ANKRD44: variants seen among roughly 807,000 people sequenced by gnomAD.
ANKRD44 encodes serine/threonine-protein phosphatase 6 regulatory ankyrin repeat subunit B.
ANKRD44 carries 35 observed loss-of-function variants against 116.0 expected under a neutral mutation model. The observed-to-expected ratio is 0.30, with a 90% confidence interval of 0.23 to 0.40. The LOEUF is 0.40. Ranked by LOEUF, ANKRD44 falls within the 10% of genes least tolerant of loss-of-function variation. The pLI is 1.00. For missense variants in ANKRD44, 1,014 were observed against 1,242.6 expected, an observed-to-expected ratio of 0.82 and a Z score of 2.77; for synonymous variants, 435 against 461.8, an observed-to-expected ratio of 0.94 and a Z score of 0.74.
intron 1 of ANKRD44, among the ~76,000 whole-genome samples, chr2:197,289,591 C>G (rs2083503310): frequency 6.6e-6 from 1 of 152,148 alleles, no homozygotes; most frequent in Admixed American, 6.5e-5. Flanking sequence ...TCTCAAAATC[C>G]TTATGCTGAG....
chr2:197,246,804 T>C (rs1185404196), intron 1 of ANKRD44, among the ~76,000 whole-genome samples: 1 of 152,166 alleles, frequency 6.6e-6, no homozygotes, highest in East Asian at 1.9e-4. Context: ...ATTATTGTTC[T>C]TTCCATTTTA....
intron 8 of ANKRD44, among the ~76,000 whole-genome samples, chr2:197,112,351 G>A (rs56938514): frequency 0.01 from 1,537 of 152,218 alleles, 30 homozygotes; most frequent in African/African-American, 0.034. Context: ...AATAATTTAG[G>A]TAAGTATTTC....
At chr2:197,253,128 A>C (rs915840117) in intron 1 of ANKRD44, among the ~76,000 whole-genome samples, 4 of 152,244 alleles carry the variant, frequency 2.6e-5, no homozygotes, top group Non-Finnish European at 4.4e-5. Context: ...AAAGTCAAAA[A>C]AACAGCTCCT....
intron 16 of ANKRD44, among the ~76,000 whole-genome samples, chr2:197,063,536 A>G (rs2077364116): frequency 6.6e-6 from 1 of 152,206 alleles, no homozygotes; most frequent in South Asian, 2.1e-4. Flanking sequence ...ACCCATCGCA[A>G]AGAAGCTAAA....
rs188170158 is a variant in ANKRD44 at position 197,166,934 on chromosome 2, T to C, written c.112-19829A>G. On this transcript the variant is annotated intron_variant, in intron 2 of 27. Transcript: ENST00000282272. ...AAGTCAATTCTTATGTGATATATAG[T>C]GTCCTGAGAGAAATTACTTTGTCCA... 7.2e-5 allele frequency among the ~76,000 whole-genome samples: 11 copies of C among 152,384 alleles called. No individual in the cohort carries two copies. In the East Asian group the frequency reaches 2.1e-3, roughly 29 times the overall value.
Position 196,987,935 on chromosome 2 carries a change from TA to T in ANKRD44, c.*1655del, listed in dbSNP as rs1349043074. On this transcript the variant is annotated 3_prime_UTR_variant, in exon 28 of 28. Coordinates refer to ENST00000282272, the MANE Select transcript of ANKRD44 (RefSeq NM_001195144.2). Reference sequence around the variant, plus strand: ...ATGATAGTTTTTAAAGTCATTTCTTTAAAAAAATTTTGCCTTGGGGTATGGG... The same window carrying T: ...ATGATAGTTTTTAAAGTCATTTCTTTAAAAAATTTTGCCTTGGGGTATGGG... 3.4e-5 allele frequency: 33 copies of T among 984,778 alleles called. No homozygotes were observed. Among genetic ancestry groups the T allele is most frequent in the Non-Finnish European group, 3.9e-5 (32 of 829,348 alleles). The allele number at this position is 984,778 out of a possible 1,614,324, so 61.0% of individuals were successfully genotyped here. A position where few individuals can be genotyped will look rare whatever the true frequency, so the allele number is the denominator to read the frequency against.
chr2:197,058,290 C>G (rs888310434), intron 16 of ANKRD44, among the ~76,000 whole-genome samples: 5 of 152,130 alleles, frequency 3.3e-5, no homozygotes, highest in African/African-American at 1.2e-4. Context: ...CACCGCAGGT[C>G]CCCAAAGTCA....
intron 16 of ANKRD44, among the ~76,000 whole-genome samples, chr2:197,027,967 C>T (rs905527667): frequency 2.0e-5 from 3 of 152,074 alleles, no homozygotes; most frequent in Non-Finnish European, 2.9e-5. Context: ...TGAGATTACA[C>T]AGGCATGAGC....
In ANKRD44 at chr2:196,968,456, C is replaced by T. The variant is rs531229943; in HGVS notation, c.2369-1010G>A. Among the ~76,000 whole-genome samples, 4 of 152,268 alleles carry T rather than the reference C, an allele frequency of 2.6e-5. No individual in the cohort carries two copies. In the South Asian group the frequency reaches 6.2e-4, roughly 24 times the overall value. On this transcript the variant is annotated intron_variant, in intron 21 of 21. Transcript: ENST00000424317. ...TAATACAGTGACTACCAGTATTGTT[C>T]CAGGATACTGACATGATTTGTGCCA...
At chr2:197,178,273 C>T (rs1256095167) in intron 2 of ANKRD44, among the ~76,000 whole-genome samples, 3 of 152,012 alleles carry the variant, frequency 2.0e-5, no homozygotes, top group Non-Finnish European at 4.4e-5. Flanking sequence ...AAGTTTGAGA[C>T]GAGCCTGGGC....
intron 18 of ANKRD44, among the ~76,000 whole-genome samples, chr2:197,010,431 G>C (rs913952246): frequency 6.6e-6 from 1 of 152,104 alleles, no homozygotes; most frequent in African/African-American, 2.4e-5. Context: ...CTCGCCCAGC[G>C]GACCGAGTGG....
chr2:197,235,096 CCT>C (rs1234059719), intron 1 of ANKRD44, among the ~76,000 whole-genome samples: 1 of 152,166 alleles, frequency 6.6e-6, no homozygotes, highest in East Asian at 1.9e-4. Context: ...TTCTCACTCC[CCT>C]CTCTCAGACA....
intron 1 of ANKRD44, among the ~76,000 whole-genome samples, chr2:197,214,963 T>C (rs1199603740): frequency 6.6e-6 from 1 of 152,152 alleles, no homozygotes; most frequent in Non-Finnish European, 1.5e-5. Context: ...CTACAACCTC[T>C]GCCTCCAGGG....
intron 1 of ANKRD44, among the ~76,000 whole-genome samples, chr2:197,241,810 T>C (rs1317917467): frequency 6.6e-6 from 1 of 152,134 alleles, no homozygotes; most frequent in Non-Finnish European, 1.5e-5. Context: ...ATTCACTACA[T>C]AGTGCTGGTG....
intron 1 of ANKRD44, among the ~76,000 whole-genome samples, chr2:197,215,903 T>A (rs888621370): frequency 2.6e-5 from 4 of 152,228 alleles, no homozygotes; most frequent in African/African-American, 9.7e-5. Context: ...TATGATGCTG[T>A]TTCCTCCTCC....
chr2:197,215,250 T>C (rs968746758), intron 1 of ANKRD44, among the ~76,000 whole-genome samples: 2 of 152,210 alleles, frequency 1.3e-5, no homozygotes, highest in African/African-American at 4.8e-5. Context: ...GTTGAGATGA[T>C]GTATAAAATC....
At chr2:197,187,680 CT>C (rs2080718355) in intron 1 of ANKRD44, among the ~76,000 whole-genome samples, 1 of 150,322 alleles carries the variant, frequency 6.7e-6, no homozygotes, top group African/African-American at 2.5e-5. Flanking sequence ...CTCTCTCTCC[CT>C]CTTCTTCTCC....
intron 1 of ANKRD44, among the ~76,000 whole-genome samples, chr2:197,222,891 C>A (rs895908295): frequency 9.2e-5 from 14 of 152,020 alleles, no homozygotes; most frequent in Admixed American, 5.9e-4. Flanking sequence ...TGGCTCCCTG[C>A]AACCTCCACC....
intron 10 of ANKRD44, among the ~76,000 whole-genome samples, chr2:197,093,163 C>T (rs892254831): frequency 2.0e-5 from 3 of 151,594 alleles, no homozygotes; most frequent in Non-Finnish European, 4.4e-5. Flanking sequence ...TATATATACA[C>T]ATAATATATA....
Sources: allele counts gnomAD v4.1 joint callset (sites outside exome capture counted in the v4.1 genomes callset), GRCh38; gene constraint gnomAD v4.1.1; transcripts MANE v1.5; gene names NCBI Gene and HGNC (gene_info 2026-07-23, HGNC 2026-07-21).